ENTPD1: variants seen among roughly 807,000 people sequenced by gnomAD.
ENTPD1 encodes the protein ATP diphosphohydrolase.
ENTPD1 carries 33 observed loss-of-function variants against 57.0 expected under a neutral mutation model. The ratio of observed to expected loss-of-function variants is 0.58; its 90% confidence interval spans 0.44 to 0.77. The LOEUF (loss-of-function observed/expected upper bound fraction) is 0.77, where lower values mean the gene tolerates loss of function less well. Among genes scored for constraint, ENTPD1 ranks in the 30% least tolerant of loss-of-function variants. ENTPD1 has a pLI of 0.00. For missense variants in ENTPD1, 501 were observed against 603.4 expected (o/e 0.83, Z 1.78); for synonymous variants, 202 against 218.8 (o/e 0.92, Z 0.68).
At chr10:95,711,967 C>T (rs771993497) in exon 1 of ENTPD1, 1 of 1,613,450 alleles carries the variant, frequency 6.2e-7, no homozygotes, top group Admixed American at 1.7e-5. Flanking sequence ...ATGAAGGGAA[C>T]CAAGGACCTG....
intron 1 of ENTPD1, among the ~76,000 whole-genome samples, chr10:95,758,182 G>A (rs539837380): frequency 7.3e-4 from 111 of 152,012 alleles, no homozygotes; most frequent in Non-Finnish European, 1.4e-3. Flanking sequence ...TCCTCAGACT[G>A]AAGCTAGGCA....
intron 1 of ENTPD1, among the ~76,000 whole-genome samples, chr10:95,795,935 G>A (rs1016268187): frequency 6.6e-6 from 1 of 152,156 alleles, no homozygotes; most frequent in African/African-American, 2.4e-5. Context: ...TGGAGTTTAT[G>A]ATTAAGCTCT....
rs548489262 is a variant in ENTPD1, at chr10:95,871,196, T to A, written c.*4813T>A. ...TGGCCAAGGCCATGAGTGATTAATT[T>A]TAACACAGGAAAAAAGTAAAGCATT... On this transcript the variant is annotated 3_prime_UTR_variant, in exon 10 of 10. Transcript: ENST00000371205. 1,072 of 985,364 alleles carry A rather than the reference T, an allele frequency of 1.1e-3. 2 individuals carry two copies. The highest frequency in any genetic ancestry group is 1.2e-3 in the Non-Finnish European group (966 of 829,950). 61.0% of individuals were successfully genotyped at this position (985,364 alleles called of 1,614,324 possible). A position where few individuals can be genotyped will look rare whatever the true frequency, so the allele number is the denominator to read the frequency against.
chr10:95,699,685 A>G, the ENTPD1 span, among the ~76,000 whole-genome samples: 216 of 152,266 alleles, frequency 1.4e-3, 3 homozygotes, highest in African/African-American at 4.9e-3. Context: ...AAAGATGCAC[A>G]TTTGACCCCT....
chr10:95,745,045 G>A (rs1351020265), intron 1 of ENTPD1, among the ~76,000 whole-genome samples: 2 of 151,974 alleles, frequency 1.3e-5, no homozygotes, highest in Non-Finnish European at 2.9e-5. Flanking sequence ...AAGTTGATTG[G>A]TCTTTCATAG....
chr10:95,710,597 G>A (rs1165270822), upstream of ENTPD1, among the ~76,000 whole-genome samples: 1 of 152,180 alleles, frequency 6.6e-6, no homozygotes, highest in Non-Finnish European at 1.5e-5. Flanking sequence ...ATACATTGTA[G>A]AGGAAAGAAG....
chr10:95,837,897 T>A (rs1205548038), intron 2 of ENTPD1, among the ~76,000 whole-genome samples: 1 of 151,942 alleles, frequency 6.6e-6, no homozygotes, highest in East Asian at 1.9e-4. Flanking sequence ...ATTTCTACTG[T>A]TCCTCTTTCC....
At chr10:95,843,527 A>G (rs947417077) in intron 4 of ENTPD1, among the ~76,000 whole-genome samples, 1 of 152,262 alleles carries the variant, frequency 6.6e-6, no homozygotes, top group Admixed American at 6.5e-5. Context: ...TACAAATGTT[A>G]AGTAACTCAC....
Position 95,866,472 on chromosome 10 carries a change from C to T in ENTPD1, c.*89C>T. ...CATCGCAGTGTTCAAGGCCATCCTT[C>T]CCTGTCTGCCAGGGCCAGTCTTGAC... On this transcript the variant is annotated 3_prime_UTR_variant, in exon 10 of 10. Coordinates refer to ENST00000371205, the MANE Select transcript of ENTPD1 (RefSeq NM_001776.6). 1 of 1,570,774 alleles carries T rather than the reference C, an allele frequency of 6.4e-7. No homozygotes were observed. The highest frequency in any genetic ancestry group is 8.6e-7 in the Non-Finnish European group (1 of 1,158,230).
At position 95,866,344 on chromosome 10, in the gene ENTPD1, C is replaced by T. The variant is rs565508317; in HGVS notation, c.1494C>T (p.Ile498=). The T allele has an allele frequency of 2.2e-4, 348 of 1,614,188 alleles. 2 individuals carry two copies. The South Asian group carries it at 3.5e-3, about 16-fold the overall frequency. Residue 498 remains isoleucine (I), a synonymous_variant, in exon 10 of 10, where the codon ATC becomes ATT. Transcript: ENST00000371205. ...LFTVAIIGLL[I]FHKPSYFWKD... is the part of the protein sequence containing the mutation. ...CAGTGGCCATCATAGGCTTGCTTATCTTTCACAAGCCTTCATATTTCTGGA... is the reference window on the plus strand; with the variant it reads ...CAGTGGCCATCATAGGCTTGCTTATTTTTCACAAGCCTTCATATTTCTGGA...
intron 1 of ENTPD1, among the ~76,000 whole-genome samples, chr10:95,782,255 T>C (rs2098160849): frequency 6.6e-6 from 1 of 152,242 alleles, no homozygotes; most frequent in African/African-American, 2.4e-5. Flanking sequence ...TCTATCATTC[T>C]AAAATGTTTC....
At position 95,866,549 on chromosome 10, in the gene ENTPD1, A is replaced by G; in HGVS notation, c.*166A>G. On this transcript the variant is annotated 3_prime_UTR_variant, in exon 10 of 10. Coordinates refer to ENST00000371205, the MANE Select transcript of ENTPD1 (RefSeq NM_001776.6). The stretch of plus-strand genomic sequence containing the variant: ...TGAAGCCTTTCTTTTGGAGGTATTC[A>G]ATATCCTTTGCCTCAAGGACTTCGG... 6.7e-7 allele frequency: 1 copy of G among 1,497,392 alleles called. No homozygotes were observed. Among genetic ancestry groups the G allele is most frequent in the Admixed American group, 2.2e-5 (1 of 46,410 alleles). The allele number at this position is 1,497,392 out of a possible 1,614,324, so 92.8% of individuals were successfully genotyped here.
At chr10:95,731,454 G>A (rs991394342) in intron 1 of ENTPD1, among the ~76,000 whole-genome samples, 1 of 152,152 alleles carries the variant, frequency 6.6e-6, no homozygotes, top group African/African-American at 2.4e-5. Flanking sequence ...CCTTATGAAT[G>A]GTGGTGGCTT....
rs1274352017 is a variant in ENTPD1 at position 95,867,372 on chromosome 10, C to T, written c.*989C>T. On this transcript the variant is annotated 3_prime_UTR_variant, in exon 10 of 10. Transcript: ENST00000371205. ...TACATTGTCTAGAGACAAGACTATC[C>T]TGGGTAGGCAGAAACCATAGATCTT... 6.1e-6 allele frequency: 6 copies of T among 985,304 alleles called. No individual in the cohort carries two copies. The highest frequency in any genetic ancestry group is 7.2e-6 in the Non-Finnish European group (6 of 829,938). The allele number at this position is 985,304 out of a possible 1,614,324, so 61.0% of individuals were successfully genotyped here. A position where few individuals can be genotyped will look rare whatever the true frequency, so the allele number is the denominator to read the frequency against.
chr10:95,776,354 C>T (rs1243318577), intron 1 of ENTPD1, among the ~76,000 whole-genome samples: 1 of 152,166 alleles, frequency 6.6e-6, no homozygotes, highest in Non-Finnish European at 1.5e-5. Flanking sequence ...AATCTCTCAG[C>T]ATTTGCTTGT....
At chr10:95,864,621 A>G in intron 8 of ENTPD1, 103 bp from the exon 9 acceptor site, 1 of 1,511,940 alleles carries the variant, frequency 6.6e-7, no homozygotes. Flanking sequence ...GGTGCACTGG[A>G]GCTGGGGCTT....
chr10:95,821,996 C>CT (rs71034351), intron 1 of ENTPD1, among the ~76,000 whole-genome samples: 41,364 of 93,288 alleles, frequency 0.44, 10,058 homozygotes, highest in Admixed American at 0.5. Context: ...TAGCTTTTGC[C>CT]TTTTTTTTTT....
intron 2 of ENTPD1, among the ~76,000 whole-genome samples, chr10:95,824,567 T>G (rs2098366945): frequency 6.6e-6 from 1 of 152,262 alleles, no homozygotes. Context: ...TGGCAAAACT[T>G]CACTCACAGT....
intron 1 of ENTPD1, among the ~76,000 whole-genome samples, chr10:95,738,816 C>T (rs534320357): frequency 2.0e-5 from 3 of 152,218 alleles, no homozygotes; most frequent in Admixed American, 2.0e-4. Context: ...GGTTTAGGTG[C>T]TGTGGGATGT....
Sources: allele counts gnomAD v4.1 joint callset (sites outside exome capture counted in the v4.1 genomes callset), GRCh38; gene constraint gnomAD v4.1.1; transcripts MANE v1.5; gene names NCBI Gene and HGNC (gene_info 2026-07-23, HGNC 2026-07-21).